Variants in ACAN observed in about 807,000 individuals in gnomAD.
The protein encoded by ACAN is aggrecan core protein.
Under a neutral mutation model 169.1 loss-of-function variants are expected in ACAN, and 47 were observed. That is an observed-to-expected ratio of 0.28 (90% CI 0.22 to 0.35). The LOEUF (loss-of-function observed/expected upper bound fraction) is 0.35, where lower values mean the gene tolerates loss of function less well. Ranked by LOEUF, ACAN falls within the 10% of genes least tolerant of loss-of-function variation. The pLI, the probability that ACAN is intolerant of heterozygous loss-of-function variation, is 1.00. For synonymous variants in ACAN, 1,115 were observed against 1,112.2 expected (o/e 1.00, Z -0.05); for missense variants, 2,716 against 2,759.9 (o/e 0.98, Z 0.36).
At chr15:88,808,844 G>A (rs1895750206) in intron 1 of ACAN, among the ~76,000 whole-genome samples, 2 of 152,142 alleles carry the variant, frequency 1.3e-5, no homozygotes, top group South Asian at 2.1e-4. Flanking sequence ...AGAGGGGATA[G>A]GACAAGAAGG....
chr15:88,825,819 C>T (rs1227264615), intron 1 of ACAN, among the ~76,000 whole-genome samples: 1 of 152,240 alleles, frequency 6.6e-6, no homozygotes, highest in Non-Finnish European at 1.5e-5. Flanking sequence ...CCCCCACCTC[C>T]AGAAGCAGGC....
intron 12 of ACAN, among the ~76,000 whole-genome samples, 168 bp downstream of exon 12, chr15:88,859,585 G>A (rs1006008315): frequency 2.6e-5 from 4 of 152,222 alleles, no homozygotes; most frequent in Admixed American, 6.5e-5. Context: ...CATCTGTAAC[G>A]TAAGAGTAGG....
At chr15:88,853,736 T>C (rs145151139) in intron 11 of ACAN, among the ~76,000 whole-genome samples, 1 of 141,666 alleles carries the variant, frequency 7.1e-6, no homozygotes, top group South Asian at 2.7e-4. Context: ...AATAGATAGA[T>C]GATAGATAGA....
At chr15:88,810,126 G>T (rs1237911195) in intron 1 of ACAN, among the ~76,000 whole-genome samples, 1 of 152,096 alleles carries the variant, frequency 6.6e-6, no homozygotes, top group Non-Finnish European at 1.5e-5. Flanking sequence ...CACTTGGATG[G>T]GGGTTCACAG....
intron 12 of ACAN, among the ~76,000 whole-genome samples, chr15:88,859,847 G>A (rs1897156398): frequency 6.6e-6 from 1 of 152,180 alleles, no homozygotes; most frequent in Admixed American, 6.5e-5. Context: ...TGTAAGATGA[G>A]AGAGTAAATC....
chr15:88,820,676 C>T (rs1458817248), intron 1 of ACAN, among the ~76,000 whole-genome samples: 1 of 152,130 alleles, frequency 6.6e-6, no homozygotes, highest in East Asian at 1.9e-4. Flanking sequence ...TCCCAGGTCT[C>T]CCAAATCAGA....
In ACAN at chr15:88,826,679, G is replaced by C. The variant is rs1364295347; in HGVS notation, c.-7-9521G>C. ...TCCTGGGCAGAACTGGAAGAGATTT[G>C]GGTTTCCCTCTCTCGTGAACTAATT... is the stretch of plus-strand genomic sequence containing the variant. On this transcript the variant is annotated intron_variant, in intron 1 of 18. Transcript: ENST00000560601. 3.9e-5 allele frequency among the ~76,000 whole-genome samples: 6 copies of C among 152,154 alleles called. No homozygotes were observed. The East Asian group carries it at 9.7e-4, about 25-fold the overall frequency.
chr15:88,874,006 CA>C lies in ACAN; in HGVS notation c.7613del (p.Gln2538ArgfsTer71). 6.2e-7 allele frequency: 1 copy of C among 1,611,898 alleles called. No homozygotes were observed. The highest frequency in any genetic ancestry group is 8.5e-7 in the Non-Finnish European group (1 of 1,179,790). ...GCCCAGCGGGCACTGGGAGGAGCCT[CA>C]GATCACCTGCACAGACCGTGAGCAT... ...CQPSGHWEEP[Q>X]ITCTDPTTYK... is the part of the protein sequence containing the mutation. On this transcript the variant is annotated frameshift_variant, in exon 18 of 19. Transcript: ENST00000560601. LOFTEE classifies it high-confidence loss of function. This position sits in a 1 kb window ranked among gnomAD's most constrained non-coding sequence, Gnocchi z 7.3.
chr15:88,835,909 A>G (rs1403114075), intron 1 of ACAN, among the ~76,000 whole-genome samples: 3 of 152,228 alleles, frequency 2.0e-5, no homozygotes, highest in Admixed American at 2.0e-4. Context: ...AGGTTGACTC[A>G]TACAATTAAC....
At position 88,843,285 on chromosome 15, in the gene ACAN, A is replaced by T; in HGVS notation, c.758-70A>T. ...CCCAAGACCTCGTGGAAAAGTGTGG[A>T]TCTCTCTGGGGATGCAGAGCAGGGG... is the stretch of plus-strand genomic sequence containing the variant. On this transcript the variant is annotated intron_variant, in intron 5 of 18. Transcript: ENST00000560601. This position sits in a 1 kb window ranked among gnomAD's most constrained non-coding sequence, Gnocchi z 4.0. 1 of 1,394,938 alleles carries T rather than the reference A, an allele frequency of 7.2e-7. No individual in the cohort carries two copies. The highest frequency in any genetic ancestry group is 9.5e-7 in the Non-Finnish European group (1 of 1,056,848). 86.4% of individuals were successfully genotyped at this position (1,394,938 alleles called of 1,614,324 possible). A position where few individuals can be genotyped will look rare whatever the true frequency, so the allele number is the denominator to read the frequency against.
Position 88,839,886 on chromosome 15 carries a change from C to T in ACAN, c.455-126C>T. The T allele has an allele frequency of 4.5e-6, 5 of 1,114,142 alleles. No individual in the cohort carries two copies. The South Asian group carries it at 6.2e-5, about 14-fold the overall frequency. The allele number at this position is 1,114,142 out of a possible 1,614,324, so 69.0% of individuals were successfully genotyped here. A position where few individuals can be genotyped will look rare whatever the true frequency, so the allele number is the denominator to read the frequency against. Reference sequence around the variant, plus strand: ...GTGCAAAGGTGTACAGGGAGTCATGCATCAGCCCAGACCAGCCAGTTCCCT... The same window carrying T: ...GTGCAAAGGTGTACAGGGAGTCATGTATCAGCCCAGACCAGCCAGTTCCCT... On this transcript the variant is annotated intron_variant, in intron 3 of 18. Coordinates refer to ENST00000560601, the MANE Select transcript of ACAN (RefSeq NM_001369268.1). This position sits in a 1 kb window ranked among gnomAD's most constrained non-coding sequence, Gnocchi z 4.5.
rs746649096 is a variant in ACAN at position 88,858,799 on chromosome 15, A to G, written c.6214A>G (p.Lys2072Glu). The change falls in exon 12 of 19, where the codon AAA becomes GAA. Residue 2072 changes from lysine (K) to glutamate (E), a missense_variant. Coordinates refer to ENST00000560601, the MANE Select transcript of ACAN (RefSeq NM_001369268.1). This position sits in a 1 kb window ranked among gnomAD's most constrained non-coding sequence, Gnocchi z 4.0. ...ACCCCAGCTTTTTGAGTCCAGTGGA[A>G]AAGTCTCCACAGCTGGGGACATTAG... The part of the protein sequence containing the change: ...HTPQLFESSG[K>E]VSTAGDISGA... 61 of 1,613,752 alleles carry G rather than the reference A, an allele frequency of 3.8e-5. No homozygotes were observed. Among genetic ancestry groups the G allele is most frequent in the Non-Finnish European group, 5.2e-5 (61 of 1,179,882 alleles).
At position 88,870,962 on chromosome 15, in the gene ACAN, C is replaced by A. The variant is rs1897364670; in HGVS notation, c.7061-420C>A. On this transcript the variant is annotated intron_variant, in intron 14 of 18. Transcript: ENST00000560601. This position sits in a 1 kb window ranked among gnomAD's most constrained non-coding sequence, Gnocchi z 6.3. The stretch of plus-strand genomic sequence containing the variant: ...GCTACCAGCTTCCACTGCCTCCACA[C>A]ACTTCCCCACAGCTCCACTCCCTCT... Among the ~76,000 whole-genome samples, 1 of 152,224 alleles carries A rather than the reference C, an allele frequency of 6.6e-6. No individual in the cohort carries two copies. The highest frequency in any genetic ancestry group is 2.4e-5 in the African/African-American group (1 of 41,454).
rs952772328 is a variant in ACAN at position 88,848,104 on chromosome 15, C to T, written c.1732+66C>T. ...GGGGGTGGGCAGGGAGCTGACAGGG[C>T]GATACAAAGAAGAGAGGGGGTTACC... On this transcript the variant is annotated intron_variant, in intron 9 of 18. Transcript: ENST00000560601. 1.8e-5 allele frequency: 29 copies of T among 1,581,544 alleles called. No individual in the cohort carries two copies. The African/African-American group carries it at 2.7e-4, about 15-fold the overall frequency.
chr15:88,857,996 G>T lies in ACAN; in HGVS notation c.5411G>T (p.Gly1804Val). Reference protein sequence around the residue: ...DLSGQPSGLPGFSGATSGVPD... With the variant: ...DLSGQPSGLPVFSGATSGVPD... ...AGTGGGCAGCCTTCAGGGTTACCAG[G>T]GTTCAGTGGGGCAACATCAGGAGTC... The change falls in exon 12 of 19, where the codon GGG becomes GTG. Residue 1804 changes from glycine to valine, a missense_variant. This residue lies in a region of ACAN where 1,389 missense variants were observed against 1,363.7 expected (regional missense o/e 1.02). Transcript: ENST00000560601. The T allele has an allele frequency of 6.2e-7, 1 of 1,613,938 alleles. No individual in the cohort carries two copies. The highest frequency in any genetic ancestry group is 1.7e-5 in the Admixed American group (1 of 60,020).
rs527254365 is a variant in ACAN at position 88,831,382 on chromosome 15, A to G, written c.-7-4818A>G. Reference sequence around the variant, plus strand: ...TCTACCTGAGACTTACTGAATGTGAAGGGGTCTACCTCATTTGGCTGGGCA... The same window carrying G: ...TCTACCTGAGACTTACTGAATGTGAGGGGGTCTACCTCATTTGGCTGGGCA... On this transcript the variant is annotated intron_variant, in intron 1 of 18. Coordinates refer to ENST00000560601, the MANE Select transcript of ACAN (RefSeq NM_001369268.1). Among the ~76,000 whole-genome samples, 24 of 152,118 alleles carry G rather than the reference A, an allele frequency of 1.6e-4. No individual in the cohort carries two copies. The South Asian group carries it at 4.3e-3, about 28-fold the overall frequency.
At chr15:88,850,167 A>C in intron 10 of ACAN, 1 of 388,734 alleles carries the variant, frequency 2.6e-6, no homozygotes, top group Non-Finnish European at 4.6e-6. Context: ...ACATATCTAT[A>C]TGTAAAGCTG....
chr15:88,869,897 C>G lies in ACAN; in HGVS notation c.7061-1485C>G, dbSNP rs751085864. ...AATCTTCAGCCTGCACAGCCCTGCC[C>G]TCCCATACCCACCTCCCAGAGAAGT... On this transcript the variant is annotated intron_variant, in intron 14 of 18. Transcript: ENST00000560601. The surrounding 1 kb of genome is among the most constrained non-coding windows in gnomAD (Gnocchi z 4.2). 6.6e-6 allele frequency among the ~76,000 whole-genome samples: 1 copy of G among 152,128 alleles called. No individual in the cohort carries two copies. Among genetic ancestry groups the G allele is most frequent in the Admixed American group, 6.5e-5 (1 of 15,272 alleles).
intron 11 of ACAN, among the ~76,000 whole-genome samples, chr15:88,853,753 G>GATAC (rs3080433): frequency 0.03 from 4,532 of 150,146 alleles, 174 homozygotes; most frequent in African/African-American, 0.087. Flanking sequence ...TAGATAGATA[G>GATAC]ATACATACAT....
Sources: allele counts gnomAD v4.1 joint callset (sites outside exome capture counted in the v4.1 genomes callset), GRCh38; gene constraint gnomAD v4.1.1; regional missense constraint gnomAD v4.1.1; non-coding constraint Gnocchi (gnomAD v3.1); transcripts MANE v1.5; gene names NCBI Gene and HGNC (gene_info 2026-07-23, HGNC 2026-07-21).